ATP2C2: variants seen among roughly 807,000 people sequenced by gnomAD.
ATP2C2 encodes calcium-transporting ATPase type 2C member 2.
In ATP2C2, 171 loss-of-function variants were observed where a neutral mutation model predicts 110.8. The observed-to-expected ratio is 1.54, with a 90% confidence interval of 1.36 to 1.75. ATP2C2 has a LOEUF of 1.75. Ranked by LOEUF, ATP2C2 falls within the 40% of genes most tolerant of loss-of-function variation. The probability of loss-of-function intolerance (pLI) is 0.00; values close to 1 mark genes in which losing one functional copy is unlikely to be tolerated. For missense variants in ATP2C2, 1,963 were observed against 1,235.0 expected (o/e 1.59, Z -8.84); for synonymous variants, 804 against 508.4 (o/e 1.58, Z -7.82).
At chr16:84,382,024 TGTGCAGAAC>T (rs1419099134) in intron 1 of ATP2C2, among the ~76,000 whole-genome samples, 5 of 152,196 alleles carry the variant, frequency 3.3e-5, no homozygotes. Context: ...CTGGGATACA[TGTGCAGAAC>T]GTACAGGTTT....
In ATP2C2 at chr16:84,422,418, G is replaced by T. The variant is rs1907422923; in HGVS notation, c.653G>T (p.Ser218Ile). 4 of 1,613,974 alleles carry T rather than the reference G, an allele frequency of 2.5e-6. No homozygotes were observed. The Admixed American group carries it at 6.7e-5, about 27-fold the overall frequency. Reference sequence around the variant, plus strand: ...ACGGACCTCTTGGTGGATGAATCCAGTTTCACCGGGGAAGCCGAGCCATGT... The same window carrying T: ...ACGGACCTCTTGGTGGATGAATCCATTTTCACCGGGGAAGCCGAGCCATGT... ...EVTDLLVDESSFTGEAEPCSK... is the reference protein window; with the variant it reads ...EVTDLLVDESIFTGEAEPCSK... The change falls in exon 8 of 27, where the codon AGT (serine) becomes ATT (isoleucine). Residue 218 changes from serine (S) to isoleucine (I), a missense_variant. By Grantham distance (142) the Ser-to-Ile change is moderately radical (BLOSUM62 -2). Transcript: ENST00000262429.
intron 21 of ATP2C2, among the ~76,000 whole-genome samples, chr16:84,458,530 A>C (rs1412814785): frequency 6.6e-6 from 1 of 151,514 alleles, no homozygotes; most frequent in African/African-American, 2.4e-5. Flanking sequence ...AAAAAGTCAT[A>C]ATATCAGCTC....
At chr16:84,410,420 T>C (rs1457864760) in intron 4 of ATP2C2, 148 bp from the exon 5 acceptor site, 1 of 894,568 alleles carries the variant, frequency 1.1e-6, no homozygotes, top group Non-Finnish European at 1.8e-6. Context: ...CTCTTTTGGC[T>C]AGTATATTTT....
At chr16:84,426,588 G>C (rs562809635) in intron 11 of ATP2C2, among the ~76,000 whole-genome samples, 3 of 152,232 alleles carry the variant, frequency 2.0e-5, no homozygotes, top group African/African-American at 7.2e-5. Context: ...CTGTGCCCCA[G>C]TTTCCTCCTC....
chr16:84,456,366 T>C (rs1910789082), intron 21 of ATP2C2, among the ~76,000 whole-genome samples: 1 of 151,998 alleles, frequency 6.6e-6, no homozygotes, highest in South Asian at 2.1e-4. Context: ...GGAGAGTGTA[T>C]GTGTCCACAG....
At chr16:84,452,120 C>T (rs192150299) in intron 18 of ATP2C2, 29 bp downstream of exon 18, 103 of 1,612,494 alleles carry the variant, frequency 6.4e-5, no homozygotes, top group Non-Finnish European at 8.1e-5. Context: ...GGGGTGAGGA[C>T]GAAAGGACCC....
chr16:84,436,133 A>T (rs1291286158), intron 11 of ATP2C2, among the ~76,000 whole-genome samples: 1 of 152,248 alleles, frequency 6.6e-6, no homozygotes, highest in Non-Finnish European at 1.5e-5. Context: ...CATCTCAAAC[A>T]AACCCAGCCA....
chr16:84,422,963 C>T (rs1907487741), intron 9 of ATP2C2, among the ~76,000 whole-genome samples: 1 of 152,076 alleles, frequency 6.6e-6, no homozygotes, highest in Non-Finnish European at 1.5e-5. Flanking sequence ...CCACACCTGG[C>T]CTCTTTTCAA....
intron 1 of ATP2C2, among the ~76,000 whole-genome samples, chr16:84,382,874 C>A (rs1028066226): frequency 1.5e-5 from 2 of 134,168 alleles, no homozygotes; most frequent in African/African-American, 5.6e-5. Context: ...CCAGCGTGGG[C>A]GACAGAGCAA....
At chr16:84,412,297 T>TGC (rs1402822755) in intron 6 of ATP2C2, among the ~76,000 whole-genome samples, 2 of 68,898 alleles carry the variant, frequency 2.9e-5, no homozygotes, top group East Asian at 8.3e-4. Flanking sequence ...CGTATGTGTG[T>TGC]GTGTGAGCAT....
At chr16:84,395,846 T>A (rs1414953838) in intron 1 of ATP2C2, among the ~76,000 whole-genome samples, 1 of 152,146 alleles carries the variant, frequency 6.6e-6, no homozygotes, top group African/African-American at 2.4e-5. Context: ...TAACATAAAA[T>A]TCACCATTTT....
At chr16:84,408,618 G>A (rs1013491549) in intron 4 of ATP2C2, 124 bp downstream of exon 4, 3 of 711,742 alleles carry the variant, frequency 4.2e-6, no homozygotes, top group Non-Finnish European at 6.9e-6. Context: ...GCATACAGAA[G>A]AAAGAAAGGA....
intron 1 of ATP2C2, among the ~76,000 whole-genome samples, chr16:84,392,742 C>T (rs1025974186): frequency 7.2e-5 from 11 of 152,152 alleles, no homozygotes; most frequent in Non-Finnish European, 1.2e-4. Context: ...GGATTACGGG[C>T]GTGAGCCACT....
At chr16:84,425,207 C>A (rs1307269435) in intron 10 of ATP2C2, among the ~76,000 whole-genome samples, 1 of 152,230 alleles carries the variant, frequency 6.6e-6, no homozygotes, top group Non-Finnish European at 1.5e-5. Context: ...CACCACCCAC[C>A]TTCCCAGTCC....
At chr16:84,453,042 T>C in intron 18 of ATP2C2, 96 bp from the exon 19 acceptor site, 1 of 1,291,026 alleles carries the variant, frequency 7.7e-7, no homozygotes, top group East Asian at 2.5e-5. Flanking sequence ...CCAGCATGGT[T>C]TTATTCTTGG....
At chr16:84,393,271 G>A (rs1463233078) in intron 1 of ATP2C2, among the ~76,000 whole-genome samples, 1 of 152,168 alleles carries the variant, frequency 6.6e-6, no homozygotes, top group Admixed American at 6.6e-5. Context: ...AGGCCCCCGG[G>A]CCCCTATGCA....
At chr16:84,373,501 A>AAAC (rs35671314) in intron 1 of ATP2C2, among the ~76,000 whole-genome samples, 65,497 of 151,646 alleles carry the variant, frequency 0.43, 15,029 homozygotes, top group South Asian at 0.52. Context: ...CTCCATCTCA[A>AAAC]AACAACAACA....
At chr16:84,385,308 C>T (rs535943759) in intron 1 of ATP2C2, among the ~76,000 whole-genome samples, 23 of 152,252 alleles carry the variant, frequency 1.5e-4, no homozygotes, top group Middle Eastern at 3.4e-3. Flanking sequence ...CTCACATTCG[C>T]GAGGACAGTA....
intron 24 of ATP2C2, chr16:84,461,080 A>C: frequency 2.5e-6 from 1 of 407,516 alleles, no homozygotes; most frequent in South Asian, 4.6e-5. Context: ...ACATGAGGAC[A>C]GGCTGCCCCC....
Sources: allele counts gnomAD v4.1 joint callset (sites outside exome capture counted in the v4.1 genomes callset), GRCh38; gene constraint gnomAD v4.1.1; transcripts MANE v1.5; gene names NCBI Gene and HGNC (gene_info 2026-07-23, HGNC 2026-07-21).